The following ENAH variants were observed in gnomAD, a reference collection of about 807,000 sequenced individuals.
ENAH encodes the protein ENAH actin regulator, also known as protein enabled homolog.
In ENAH, 23 loss-of-function variants were observed where a neutral mutation model predicts 78.7. The observed-to-expected ratio is 0.29, with a 90% CI of 0.21 to 0.41. The LOEUF (loss-of-function observed/expected upper bound fraction) is 0.41, where lower values mean the gene tolerates loss of function less well. Ranked by LOEUF, ENAH falls within the 10% of genes least tolerant of loss-of-function variation. The probability of loss-of-function intolerance (pLI) is 1.00; values close to 1 mark genes in which losing one functional copy is unlikely to be tolerated. For synonymous variants in ENAH, 226 were observed against 241.0 expected (o/e 0.94, Z 0.58); for missense variants, 544 against 691.0 (o/e 0.79, Z 2.39).
chr1:225,604,956 A>G (rs2096949779), intron 1 of ENAH, among the ~76,000 whole-genome samples: 1 of 152,330 alleles, frequency 6.6e-6, no homozygotes, highest in African/African-American at 2.4e-5. Flanking sequence ...TTAGAGTGGG[A>G]AAAGGGCATC....
At chr1:225,550,956 A>T (rs984405110) in intron 3 of ENAH, among the ~76,000 whole-genome samples, 30 of 152,208 alleles carry the variant, frequency 2.0e-4, no homozygotes, top group African/African-American at 6.8e-4. Context: ...AAAGTTGGGC[A>T]AATTTGCCTC....
chr1:225,562,198 G>A (rs1002903251), intron 2 of ENAH, among the ~76,000 whole-genome samples: 5 of 151,684 alleles, frequency 3.3e-5, no homozygotes, highest in Non-Finnish European at 7.4e-5. Context: ...TGAGATTAAA[G>A]GCGTGAGCCA....
chr1:225,492,252 A>C lies in ENAH; in HGVS notation c.*5523T>G, dbSNP rs1271821726. The C allele has an allele frequency of 6.6e-6, 1 of 151,916 alleles. No individual in the cohort carries two copies. The highest frequency in any genetic ancestry group is 2.4e-5 in the African/African-American group (1 of 41,312). 9.4% of individuals were successfully genotyped at this position (151,916 alleles called of 1,614,324 possible). A position where few individuals can be genotyped will look rare whatever the true frequency, so the allele number is the denominator to read the frequency against. ...AGGTGTGCACCACCATGCCTGGCCT[A>C]AATTTTTAAATTTTTTTGTAGAAAT... On this transcript the variant is annotated 3_prime_UTR_variant, in exon 14 of 14. Coordinates refer to ENST00000366843, the MANE Select transcript of ENAH (RefSeq NM_018212.6).
Position 225,492,511 on chromosome 1 carries a change from G to A in ENAH, c.*5264C>T, listed in dbSNP as rs2069918055. 1 of 152,224 alleles carries A rather than the reference G, an allele frequency of 6.6e-6. No homozygotes were observed. The highest frequency in any genetic ancestry group is 1.5e-5 in the Non-Finnish European group (1 of 68,058). The allele number at this position is 152,224 out of a possible 1,614,324, so 9.4% of individuals were successfully genotyped here. The stretch of plus-strand genomic sequence containing the variant: ...AGAATTCCTGTGTCCTACACCAGAA[G>A]CGTCTACGGGCCCTGCTCTCTGCTC... On this transcript the variant is annotated 3_prime_UTR_variant, in exon 14 of 14. Transcript: ENST00000366843.
At chr1:225,635,251 C>A (rs575236962) in intron 1 of ENAH, among the ~76,000 whole-genome samples, 1 of 152,090 alleles carries the variant, frequency 6.6e-6, no homozygotes, top group Non-Finnish European at 1.5e-5. Context: ...GTCTATGTTG[C>A]CCAGGCTGGT....
At chr1:225,652,628 G>A in intron 1 of ENAH, 58 bp downstream of exon 1, 1 of 1,260,318 alleles carries the variant, frequency 7.9e-7, no homozygotes, top group Non-Finnish European at 1.0e-6. Context: ...AGGAGAACGG[G>A]GGTCGCGGCT....
intron 1 of ENAH, among the ~76,000 whole-genome samples, chr1:225,590,202 G>A (rs12031208): frequency 0.02 from 2,996 of 151,808 alleles, 73 homozygotes; most frequent in East Asian, 0.077. Flanking sequence ...GCCAAACAGG[G>A]GCCAGGCGTG....
chr1:225,640,223 T>A (rs1165787989), intron 1 of ENAH, among the ~76,000 whole-genome samples: 1 of 152,244 alleles, frequency 6.6e-6, no homozygotes, highest in African/African-American at 2.4e-5. Flanking sequence ...TAAAATTTTT[T>A]AAGCAACCAA....
chr1:225,639,744 A>ACACACACAC (rs1558949275), intron 1 of ENAH, among the ~76,000 whole-genome samples: 8 of 132,812 alleles, frequency 6.0e-5, no homozygotes, highest in South Asian at 2.2e-4. Context: ...ACACACACAC[A>ACACACACAC]AGAAGGATGG....
chr1:225,616,389 T>A (rs543801954), intron 1 of ENAH, among the ~76,000 whole-genome samples: 1 of 151,828 alleles, frequency 6.6e-6, no homozygotes, highest in Non-Finnish European at 1.5e-5. Context: ...ATGAGAATTA[T>A]TTCAGACTCA....
intron 1 of ENAH, among the ~76,000 whole-genome samples, chr1:225,568,359 C>T (rs111717371): frequency 1.2e-4 from 18 of 152,116 alleles, no homozygotes; most frequent in Admixed American, 5.2e-4. Flanking sequence ...ATCAAGACCC[C>T]GTCTCTATAT....
intron 4 of ENAH, chr1:225,524,539 T>C: frequency 1.1e-6 from 1 of 892,760 alleles, no homozygotes; most frequent in Non-Finnish European, 1.3e-6. Context: ...ATGGATAAAA[T>C]GTAATAAGAC....
chr1:225,595,374 T>C (rs2096897599), intron 1 of ENAH, among the ~76,000 whole-genome samples: 1 of 151,468 alleles, frequency 6.6e-6, no homozygotes, highest in Admixed American at 6.6e-5. Context: ...AAAGCTGAAG[T>C]TGGTAATGCA....
rs1390043602 is a variant in ENAH, at chr1:225,489,490, C to T, written c.*8285G>A. 1 of 152,040 alleles carries T rather than the reference C, an allele frequency of 6.6e-6. No individual in the cohort carries two copies. The highest frequency in any genetic ancestry group is 1.5e-5 in the Non-Finnish European group (1 of 68,034). The allele number at this position is 152,040 out of a possible 1,614,324, so 9.4% of individuals were successfully genotyped here. On this transcript the variant is annotated 3_prime_UTR_variant, in exon 14 of 14. Transcript: ENST00000366843. ...CTGTCCAGTGCAATAGCGTCTATGA[C>T]TATAAAACAACTAAAAGCTGCACTT...
chr1:225,560,861 C>A (rs935543566), intron 2 of ENAH, among the ~76,000 whole-genome samples: 2 of 152,188 alleles, frequency 1.3e-5, no homozygotes, highest in African/African-American at 4.8e-5. Flanking sequence ...TTGTTCATAA[C>A]AGAATGCTAG....
At chr1:225,608,932 A>G (rs2096972958) in intron 1 of ENAH, among the ~76,000 whole-genome samples, 1 of 152,146 alleles carries the variant, frequency 6.6e-6, no homozygotes, top group African/African-American at 2.4e-5. Flanking sequence ...AATTTTGAAG[A>G]AAAATAATTT....
intron 1 of ENAH, among the ~76,000 whole-genome samples, chr1:225,587,642 T>C (rs2096853946): frequency 6.6e-6 from 1 of 152,070 alleles, no homozygotes; most frequent in Non-Finnish European, 1.5e-5. Context: ...TTTGTAGAAA[T>C]TGACAAACTA....
intron 6 of ENAH, among the ~76,000 whole-genome samples, chr1:225,516,250 C>T (rs1463172035): frequency 1.3e-5 from 2 of 152,148 alleles, no homozygotes; most frequent in Non-Finnish European, 2.9e-5. Flanking sequence ...CAAGCCACTA[C>T]TTATTGTAAT....
At chr1:225,649,444 T>C (rs1662563926) in intron 1 of ENAH, among the ~76,000 whole-genome samples, 1 of 151,730 alleles carries the variant, frequency 6.6e-6, no homozygotes, top group South Asian at 2.1e-4. Context: ...ATTTTAAAAA[T>C]GCACTTAAAA....
Sources: allele counts gnomAD v4.1 joint callset (sites outside exome capture counted in the v4.1 genomes callset), GRCh38; gene constraint gnomAD v4.1.1; transcripts MANE v1.5; gene names NCBI Gene and HGNC (gene_info 2026-07-23, HGNC 2026-07-21).